AOPEP: variants seen among roughly 807,000 people sequenced by gnomAD.
The protein encoded by AOPEP is aminopeptidase O.
Under a neutral mutation model 98.1 loss-of-function variants are expected in AOPEP, and 77 were observed. That is an observed-to-expected ratio of 0.78 (90% CI 0.65 to 0.95). The LOEUF is 0.95. AOPEP is among the 40% of genes least tolerant of loss of function. AOPEP has a pLI of 0.00. For synonymous variants in AOPEP, 346 were observed against 365.3 expected (o/e 0.95, Z 0.60); for missense variants, 1,024 against 1,024.7 (o/e 1.00, Z 0.01).
At chr9:94,995,573 G>A (rs2061169425) in intron 11 of AOPEP, among the ~76,000 whole-genome samples, 1 of 152,088 alleles carries the variant, frequency 6.6e-6, no homozygotes, top group Admixed American at 6.6e-5. Context: ...AGCATATTTG[G>A]TTGTCCCTTA....
chr9:94,738,429 A>G (rs1832262031), intron 1 of AOPEP, among the ~76,000 whole-genome samples: 1 of 152,130 alleles, frequency 6.6e-6, no homozygotes, highest in Admixed American at 6.6e-5. Context: ...GTGTTTGTGT[A>G]GTGGGAGTTC....
At chr9:95,078,632 G>A (rs560049467) in intron 14 of AOPEP, among the ~76,000 whole-genome samples, 323 of 152,346 alleles carry the variant, frequency 2.1e-3, no homozygotes, top group African/African-American at 7.5e-3. Context: ...CCCAGCTGTC[G>A]CTCCCATCCA....
intron 5 of AOPEP, among the ~76,000 whole-genome samples, chr9:94,922,967 G>T (rs1425517027): frequency 1.3e-5 from 2 of 152,172 alleles, no homozygotes; most frequent in African/African-American, 2.4e-5. Context: ...GGCTTGTGCC[G>T]AGCCGACATG....
At chr9:95,146,487 C>CAAAAAAAAA in the AOPEP span, among the ~76,000 whole-genome samples, 11 of 45,516 alleles carry the variant, frequency 2.4e-4, no homozygotes, top group Admixed American at 7.9e-4. Flanking sequence ...GACCCCATCT[C>CAAAAAAAAA]AAAAAAAAAA....
the AOPEP span, among the ~76,000 whole-genome samples, chr9:95,119,849 C>T: frequency 4.6e-5 from 7 of 152,130 alleles, no homozygotes; most frequent in Admixed American, 3.9e-4. Context: ...GTAGCTAGGA[C>T]AACAGGTGTG....
At chr9:95,035,888 C>T (rs4537362) in intron 13 of AOPEP, among the ~76,000 whole-genome samples, 116,511 of 151,776 alleles carry the variant, frequency 0.77, 46,837 homozygotes, top group Non-Finnish European at 0.89. Flanking sequence ...AAGCAGGCAC[C>T]GGCCCCCAAT....
rs1397571606 is a variant in AOPEP at position 95,060,861 on chromosome 9, A to T, written c.2232+51A>T. The T allele has an allele frequency of 3.5e-6, 4 of 1,142,492 alleles. No homozygotes were observed. The African/African-American group carries it at 6.1e-5, about 17-fold the overall frequency. 70.8% of individuals were successfully genotyped at this position (1,142,492 alleles called of 1,614,324 possible). A position where few individuals can be genotyped will look rare whatever the true frequency, so the allele number is the denominator to read the frequency against. ...AACCAGCAGGTCCCCACTGTTGTTG[A>T]AGAATGGTGATCCCATTGCAGTCCC... On this transcript the variant is annotated intron_variant, in intron 14 of 16. Coordinates refer to ENST00000375315, the MANE Select transcript of AOPEP (RefSeq NM_001193329.3).
At chr9:94,851,099 G>A (rs1216159968) in intron 5 of AOPEP, among the ~76,000 whole-genome samples, 1 of 152,232 alleles carries the variant, frequency 6.6e-6, no homozygotes, top group Non-Finnish European at 1.5e-5. Context: ...TATACTTGGA[G>A]GTGCCCATCC....
At chr9:95,044,013 A>T (rs1444515099) in intron 13 of AOPEP, among the ~76,000 whole-genome samples, 1 of 152,050 alleles carries the variant, frequency 6.6e-6, no homozygotes, top group Non-Finnish European at 1.5e-5. Context: ...TGTGGGTAAC[A>T]TGTGTTCCTG....
intron 1 of AOPEP, among the ~76,000 whole-genome samples, chr9:94,753,482 T>G (rs571350115): frequency 2.0e-5 from 3 of 152,194 alleles, no homozygotes; most frequent in Admixed American, 6.5e-5. Context: ...AGGCATTGAT[T>G]GTGTAAGTTA....
At chr9:94,957,990 C>T (rs1188738760) in intron 9 of AOPEP, among the ~76,000 whole-genome samples, 1 of 151,998 alleles carries the variant, frequency 6.6e-6, no homozygotes, top group East Asian at 1.9e-4. Context: ...CATTTTTGTG[C>T]GATCATTACC....
chr9:95,068,020 T>A (rs915262063), intron 14 of AOPEP, among the ~76,000 whole-genome samples: 40 of 152,346 alleles, frequency 2.6e-4, no homozygotes, highest in African/African-American at 9.4e-4. Flanking sequence ...CATTACTTCA[T>A]TCCTTTTTAT....
the AOPEP span, among the ~76,000 whole-genome samples, chr9:95,119,743 A>T: frequency 1.4e-5 from 2 of 141,990 alleles, no homozygotes; most frequent in East Asian, 4.4e-4. Context: ...ATATGGTTTC[A>T]CTCTGTTGCC....
intron 11 of AOPEP, among the ~76,000 whole-genome samples, chr9:95,001,324 T>C (rs2061546080): frequency 6.6e-6 from 1 of 152,210 alleles, no homozygotes; most frequent in African/African-American, 2.4e-5. Context: ...TGAACTGCTT[T>C]GACAAAAAAA....
intron 5 of AOPEP, among the ~76,000 whole-genome samples, chr9:94,922,775 T>G (rs1300566289): frequency 6.6e-6 from 1 of 152,242 alleles, no homozygotes; most frequent in Non-Finnish European, 1.5e-5. Flanking sequence ...GCAGATGCTT[T>G]TTCATTTGCA....
chr9:95,086,160 C>A (rs1342459970), intron 16 of AOPEP: 2 of 1,339,916 alleles, frequency 1.5e-6, no homozygotes, highest in Non-Finnish European at 2.0e-6. Flanking sequence ...CTCCCACTCG[C>A]GGCAGACAGG....
At chr9:94,899,734 A>T (rs1233251877) in intron 5 of AOPEP, among the ~76,000 whole-genome samples, 4 of 152,010 alleles carry the variant, frequency 2.6e-5, no homozygotes, top group Admixed American at 1.3e-4. Context: ...TAGGTGTCAG[A>T]GTGGGACCCT....
intron 5 of AOPEP, among the ~76,000 whole-genome samples, chr9:94,851,891 G>A (rs2043596031): frequency 1.3e-5 from 2 of 151,634 alleles, no homozygotes; most frequent in South Asian, 4.2e-4. Context: ...CCAGACATTG[G>A]TGCTTTATAG....
chr9:95,001,692 C>T (rs1404742044), intron 11 of AOPEP, among the ~76,000 whole-genome samples: 1 of 152,186 alleles, frequency 6.6e-6, no homozygotes, highest in Non-Finnish European at 1.5e-5. Flanking sequence ...GCTTGTAGCA[C>T]CATGCTGGAA....
Sources: allele counts gnomAD v4.1 joint callset (sites outside exome capture counted in the v4.1 genomes callset), GRCh38; gene constraint gnomAD v4.1.1; transcripts MANE v1.5; gene names NCBI Gene and HGNC (gene_info 2026-07-23, HGNC 2026-07-21).